Variants in PTPRD observed in about 807,000 individuals in gnomAD.
PTPRD encodes receptor-type tyrosine-protein phosphatase delta.
PTPRD carries 34 observed loss-of-function variants against 214.5 expected under a neutral mutation model. The observed-to-expected ratio is 0.16, with a 90% CI of 0.12 to 0.21. The LOEUF is 0.21. Ranked by LOEUF, PTPRD falls within the 10% of genes least tolerant of loss-of-function variation. The pLI is 1.00. For synonymous variants in PTPRD, 1,128 were observed against 845.7 expected (o/e 1.33, Z -5.79); for missense variants, 2,545 against 2,398.7 (o/e 1.06, Z -1.27).
chr9:10,112,357 C>T (rs140307145), intron 3 of PTPRD, among the ~76,000 whole-genome samples: 1 of 152,172 alleles, frequency 6.6e-6, no homozygotes, highest in African/African-American at 2.4e-5. Context: ...TCTGTGTTTG[C>T]CTTGCCAAAA....
chr9:9,842,487 G>C (rs543110295), intron 5 of PTPRD, among the ~76,000 whole-genome samples: 1 of 151,558 alleles, frequency 6.6e-6, no homozygotes, highest in Admixed American at 6.6e-5. Flanking sequence ...AAATAAATAA[G>C]AAGGAAGAAA....
chr9:10,557,662 C>A (rs1348113889), intron 2 of PTPRD, among the ~76,000 whole-genome samples: 1 of 152,050 alleles, frequency 6.6e-6, no homozygotes, highest in African/African-American at 2.4e-5. Flanking sequence ...ATCTGATGGG[C>A]TCAGCTTAGA....
At chr9:8,976,255 T>C (rs1443476800) in intron 11 of PTPRD, among the ~76,000 whole-genome samples, 1 of 152,090 alleles carries the variant, frequency 6.6e-6, no homozygotes, top group African/African-American at 2.4e-5. Flanking sequence ...GTTTTGAATC[T>C]TTCTCTGGTA....
At chr9:10,023,841 T>C (rs2096870739) in intron 4 of PTPRD, among the ~76,000 whole-genome samples, 1 of 152,086 alleles carries the variant, frequency 6.6e-6, no homozygotes, top group African/African-American at 2.4e-5. Flanking sequence ...ATGATAGACA[T>C]AGCAGTGTTT....
intron 11 of PTPRD, among the ~76,000 whole-genome samples, chr9:8,928,606 G>C (rs1304791602): frequency 1.3e-5 from 2 of 148,460 alleles, no homozygotes; most frequent in South Asian, 4.3e-4. Context: ...TTGTAGTATA[G>C]TTTGAAGTCA....
chr9:9,337,313 G>A (rs1309951769), intron 9 of PTPRD, among the ~76,000 whole-genome samples: 1 of 152,156 alleles, frequency 6.6e-6, no homozygotes, highest in Non-Finnish European at 1.5e-5. Flanking sequence ...CTGAGAGGCA[G>A]GTGTTGGCAG....
intron 9 of PTPRD, among the ~76,000 whole-genome samples, chr9:9,327,293 T>G (rs2040349210): frequency 6.6e-6 from 1 of 152,224 alleles, no homozygotes; most frequent in Non-Finnish European, 1.5e-5. Flanking sequence ...TTTTGGAATA[T>G]TCCCTGTTCT....
chr9:9,536,065 A>G (rs2076460985), intron 8 of PTPRD, among the ~76,000 whole-genome samples: 1 of 152,112 alleles, frequency 6.6e-6, no homozygotes, highest in Non-Finnish European at 1.5e-5. Context: ...GATACTGGTT[A>G]GATATAACAG....
chr9:8,346,681 C>G (rs1466058113), intron 39 of PTPRD, among the ~76,000 whole-genome samples: 2 of 152,014 alleles, frequency 1.3e-5, no homozygotes, highest in African/African-American at 4.8e-5. Context: ...TTCAACTAAC[C>G]CTTATTTTAC....
At chr9:8,846,445 A>G (rs567859128) in intron 11 of PTPRD, among the ~76,000 whole-genome samples, 9 of 152,356 alleles carry the variant, frequency 5.9e-5, no homozygotes, top group African/African-American at 2.2e-4. Context: ...GAGTAAAAAT[A>G]AGCAATTACA....
At chr9:9,588,568 T>C (rs763478745) in intron 7 of PTPRD, among the ~76,000 whole-genome samples, 11 of 151,940 alleles carry the variant, frequency 7.2e-5, no homozygotes, top group Non-Finnish European at 1.3e-4. Flanking sequence ...ATCTTATTAG[T>C]GAAAGATAGA....
At chr9:9,439,947 C>T (rs750171879) in intron 8 of PTPRD, among the ~76,000 whole-genome samples, 2 of 152,098 alleles carry the variant, frequency 1.3e-5, no homozygotes, top group Admixed American at 6.6e-5. Flanking sequence ...TGTCAAAACC[C>T]AGCCTATTTA....
intron 11 of PTPRD, among the ~76,000 whole-genome samples, chr9:8,874,557 C>T (rs940963858): frequency 5.9e-5 from 9 of 152,146 alleles, no homozygotes; most frequent in African/African-American, 2.2e-4. Context: ...CATCTCAATC[C>T]CCTTGGTGCC....
At chr9:10,595,893 G>A (rs1486086944) in intron 2 of PTPRD, among the ~76,000 whole-genome samples, 1 of 151,834 alleles carries the variant, frequency 6.6e-6, no homozygotes, top group African/African-American at 2.4e-5. Context: ...ATTGTCAAGT[G>A]TATATCAAAG....
At chr9:9,484,481 G>T (rs2095544668) in intron 8 of PTPRD, among the ~76,000 whole-genome samples, 1 of 152,118 alleles carries the variant, frequency 6.6e-6, no homozygotes, top group South Asian at 2.1e-4. Context: ...TGGCTACATG[G>T]ATGTCTACGT....
chr9:8,399,588 TTC>T (rs1294973830), intron 36 of PTPRD, among the ~76,000 whole-genome samples: 10 of 152,296 alleles, frequency 6.6e-5, no homozygotes, highest in African/African-American at 2.4e-4. Context: ...TGAAAATCAT[TTC>T]TGTGTCATTT....
At chr9:8,446,223 GACGT>G (rs2095718487) in intron 34 of PTPRD, among the ~76,000 whole-genome samples, 1 of 152,150 alleles carries the variant, frequency 6.6e-6, no homozygotes, top group African/African-American at 2.4e-5. Context: ...ACAGTTCTTT[GACGT>G]ACTTAGATTG....
At chr9:8,552,956 C>A (rs190352895) in intron 14 of PTPRD, among the ~76,000 whole-genome samples, 2 of 152,306 alleles carry the variant, frequency 1.3e-5, no homozygotes, top group East Asian at 1.9e-4. Context: ...ACATCCCAGA[C>A]ACATTCTGCA....
At chr9:9,614,063 T>C (rs920642674) in intron 7 of PTPRD, among the ~76,000 whole-genome samples, 3 of 152,112 alleles carry the variant, frequency 2.0e-5, no homozygotes, top group Non-Finnish European at 4.4e-5. Context: ...GTACAGTGTC[T>C]GGCATATAAT....
Sources: gnomAD v4.1 joint callset for allele counts (sites outside exome capture counted in the v4.1 genomes callset) on GRCh38, gnomAD v4.1.1 for gene constraint, MANE v1.5 for transcripts, NCBI Gene and HGNC (gene_info 2026-07-23, HGNC 2026-07-21) for gene names.